The following TSGA10 variants were observed in gnomAD, a reference collection of about 807,000 sequenced individuals.
TSGA10 encodes the protein testis-specific gene 10 protein.
TSGA10 carries 43 observed loss-of-function variants against 96.6 expected under a neutral mutation model. That is an observed-to-expected ratio of 0.44 (90% CI 0.35 to 0.57). The LOEUF is 0.57. Ranked by LOEUF, TSGA10 falls within the 20% of genes least tolerant of loss-of-function variation. The probability of loss-of-function intolerance (pLI) is 0.01; values close to 1 mark genes in which losing one functional copy is unlikely to be tolerated. For missense variants in TSGA10, 703 were observed against 834.4 expected (o/e 0.84, Z 1.94); for synonymous variants, 229 against 269.9 (o/e 0.85, Z 1.48).
chr2:99,105,484 T>A, intron 8 of TSGA10, 43 bp downstream of exon 8: 1 of 1,613,894 alleles, frequency 6.2e-7, no homozygotes, highest in Non-Finnish European at 8.5e-7. Context: ...TATCCCTGAA[T>A]TTGTGTTTCA....
chr2:99,071,353 TAAAAC>T (rs890370711), intron 14 of TSGA10, among the ~76,000 whole-genome samples: 7 of 151,128 alleles, frequency 4.6e-5, no homozygotes, highest in African/African-American at 1.7e-4. Context: ...CATTCATACT[TAAAAC>T]AGAATAATAT....
intron 20 of TSGA10, among the ~76,000 whole-genome samples, chr2:99,011,123 A>C (rs2078961983): frequency 6.6e-6 from 1 of 152,144 alleles, no homozygotes; most frequent in South Asian, 2.1e-4. Flanking sequence ...AAAGTGATGC[A>C]TCACTTTCCT....
intron 2 of TSGA10, 31 bp downstream of exon 2, chr2:99,127,017 G>C (rs1208667279): frequency 7.8e-7 from 1 of 1,281,758 alleles, no homozygotes; most frequent in East Asian, 5.6e-5. Context: ...CCCAAATTAA[G>C]TCAGGAAAAT....
At chr2:99,037,679 T>C (rs891343945) in intron 16 of TSGA10, among the ~76,000 whole-genome samples, 1 of 152,084 alleles carries the variant, frequency 6.6e-6, no homozygotes, top group Admixed American at 6.5e-5. Context: ...TGAAACCCTG[T>C]CTCTACTAAA....
At chr2:99,047,065 AT>A (rs1360612184) in intron 16 of TSGA10, among the ~76,000 whole-genome samples, 2 of 152,200 alleles carry the variant, frequency 1.3e-5, no homozygotes, top group African/African-American at 4.8e-5. Flanking sequence ...AGGCTCTGAA[AT>A]TGAGGCAATA....
intron 20 of TSGA10, among the ~76,000 whole-genome samples, chr2:99,003,830 T>C (rs1222358121): frequency 6.6e-6 from 1 of 152,174 alleles, no homozygotes; most frequent in Non-Finnish European, 1.5e-5. Flanking sequence ...TAGCATTAAA[T>C]GCCCACAAGA....
intron 15 of TSGA10, among the ~76,000 whole-genome samples, chr2:99,065,869 G>A (rs999783087): frequency 6.6e-6 from 1 of 152,068 alleles, no homozygotes; most frequent in African/African-American, 2.4e-5. Flanking sequence ...CTGAAGTAGG[G>A]TCTGATTTCT....
At position 99,086,120 on chromosome 2, in the gene TSGA10, G is replaced by C. The variant is rs1243435796; in HGVS notation, c.612-4723C>G. On this transcript the variant is annotated intron_variant, in intron 10 of 20. Transcript: ENST00000393483. Reference sequence around the variant, plus strand: ...AATATTCTGTACAACAAACACCCATGACAGGGGTTTACCTACATAACAAAC... The same window carrying C: ...AATATTCTGTACAACAAACACCCATCACAGGGGTTTACCTACATAACAAAC... Among the ~76,000 whole-genome samples the C allele has an allele frequency of 2.0e-5, 3 of 149,824 alleles. No homozygotes were observed. In the South Asian group the frequency reaches 6.2e-4, roughly 31 times the overall value.
At chr2:99,052,940 T>C (rs994906592) in intron 16 of TSGA10, among the ~76,000 whole-genome samples, 1 of 151,682 alleles carries the variant, frequency 6.6e-6, no homozygotes, top group African/African-American at 2.4e-5. Flanking sequence ...CGTGCACTTG[T>C]AGTCTCAGCT....
intron 1 of TSGA10, among the ~76,000 whole-genome samples, chr2:99,130,013 C>G (rs1188020690): frequency 1.3e-5 from 2 of 152,174 alleles, no homozygotes; most frequent in Admixed American, 1.3e-4. Flanking sequence ...ATATGTGCCA[C>G]ATTTTCTTTA....
chr2:99,081,416 T>G lies in TSGA10; in HGVS notation c.612-19A>C, dbSNP rs2087479089. On this transcript the variant is annotated intron_variant, in intron 10 of 20. Coordinates refer to ENST00000393483, the MANE Select transcript of TSGA10 (RefSeq NM_025244.4). Reference sequence around the variant, plus strand: ...CAAAAGTCTGCAAATATTTTAATAATAAAACTAATTCTGAAATTTTTGTTT... The same window carrying G: ...CAAAAGTCTGCAAATATTTTAATAAGAAAACTAATTCTGAAATTTTTGTTT... 2 of 1,430,178 alleles carry G rather than the reference T, an allele frequency of 1.4e-6. No individual in the cohort carries two copies. The highest frequency in any genetic ancestry group is 4.3e-5 in the Admixed American group (2 of 46,826). The allele number at this position is 1,430,178 out of a possible 1,614,324, so 88.6% of individuals were successfully genotyped here. A position where few individuals can be genotyped will look rare whatever the true frequency, so the allele number is the denominator to read the frequency against.
At chr2:99,060,531 G>A (rs895342881) in intron 16 of TSGA10, among the ~76,000 whole-genome samples, 2 of 152,112 alleles carry the variant, frequency 1.3e-5, no homozygotes, top group African/African-American at 2.4e-5. Flanking sequence ...ATACTGAACT[G>A]TATATTCAAA....
intron 1 of TSGA10, among the ~76,000 whole-genome samples, chr2:99,139,625 G>A (rs928827080): frequency 6.6e-6 from 1 of 152,028 alleles, no homozygotes; most frequent in Non-Finnish European, 1.5e-5. Context: ...TTCTGAGAGA[G>A]TATTTTATAT....
At position 99,120,287 on chromosome 2, in the gene TSGA10, C is replaced by T. The variant is rs562018853; in HGVS notation, c.-491-1601G>A. On this transcript the variant is annotated intron_variant, in intron 2 of 20. Coordinates refer to ENST00000393483, the MANE Select transcript of TSGA10 (RefSeq NM_025244.4). ...CCTTCTCTCATGAACTTTACTTTTA[C>T]TCAATTCCAAGACAAAAGTACTTTA... 5.9e-5 allele frequency among the ~76,000 whole-genome samples: 9 copies of T among 152,192 alleles called. No homozygotes were observed. In the East Asian group the frequency reaches 1.2e-3, roughly 20 times the overall value.
chr2:99,132,080 T>A (rs2093116294), intron 1 of TSGA10, among the ~76,000 whole-genome samples: 1 of 152,072 alleles, frequency 6.6e-6, no homozygotes. Flanking sequence ...GGCCTGAAAT[T>A]TTTTGCTGTT....
At chr2:99,061,991 C>T (rs1051109419) in intron 16 of TSGA10, among the ~76,000 whole-genome samples, 2 of 152,234 alleles carry the variant, frequency 1.3e-5, no homozygotes, top group Admixed American at 6.5e-5. Flanking sequence ...AGAGAAGCCC[C>T]AGAAGAAACC....
At chr2:99,113,771 T>C (rs964225734) in intron 4 of TSGA10, among the ~76,000 whole-genome samples, 1 of 152,032 alleles carries the variant, frequency 6.6e-6, no homozygotes, top group African/African-American at 2.4e-5. Context: ...GGTCTTGAAC[T>C]CCTGACCTGA....
At chr2:99,059,814 T>C (rs755643791) in intron 16 of TSGA10, among the ~76,000 whole-genome samples, 1 of 149,850 alleles carries the variant, frequency 6.7e-6, no homozygotes, top group African/African-American at 2.5e-5. Flanking sequence ...CTCAGGAGGC[T>C]GAAGTGGGAG....
intron 16 of TSGA10, among the ~76,000 whole-genome samples, chr2:99,042,895 C>T (rs1434833345): frequency 6.6e-6 from 1 of 151,902 alleles, no homozygotes; most frequent in Non-Finnish European, 1.5e-5. Context: ...TACAGGGTTT[C>T]ACCATGTTGG....
Sources: allele counts gnomAD v4.1 joint callset (sites outside exome capture counted in the v4.1 genomes callset), GRCh38; gene constraint gnomAD v4.1.1; transcripts MANE v1.5; gene names NCBI Gene and HGNC (gene_info 2026-07-23, HGNC 2026-07-21).